The following PANX1 variants were observed in gnomAD, a reference collection of about 807,000 sequenced individuals.
PANX1 encodes pannexin 1.
In PANX1, 30 loss-of-function variants were observed where a neutral mutation model predicts 38.7. The ratio of observed to expected loss-of-function variants is 0.78; its 90% CI spans 0.58 to 1.05. PANX1 has a LOEUF of 1.05. Ranked by LOEUF, PANX1 falls within the 50% of genes least tolerant of loss-of-function variation. PANX1 has a pLI of 0.00. For missense variants in PANX1, 551 were observed against 517.2 expected (o/e 1.07, Z -0.63); for synonymous variants, 230 against 212.2 (o/e 1.08, Z -0.73).
At chr11:94,154,332 G>C (rs1946921928) in intron 2 of PANX1, among the ~76,000 whole-genome samples, 1 of 152,186 alleles carries the variant, frequency 6.6e-6, no homozygotes. Context: ...GAGGAACTTA[G>C]GCAGCAGTTG....
chr11:94,178,178 T>C (rs996738715), intron 2 of PANX1, among the ~76,000 whole-genome samples, 191 bp from the exon 3 acceptor site: 7 of 151,904 alleles, frequency 4.6e-5, no homozygotes, highest in African/African-American at 7.3e-5. Context: ...GAAAAAAAAA[T>C]AGGTAGTTAC....
chr11:94,156,470 C>G (rs966764595), intron 2 of PANX1, among the ~76,000 whole-genome samples: 1 of 152,156 alleles, frequency 6.6e-6, no homozygotes, highest in Admixed American at 6.5e-5. Context: ...CTTATTAACA[C>G]TCCTTGGCAT....
At chr11:94,152,676 C>T (rs188665112) in intron 1 of PANX1, among the ~76,000 whole-genome samples, 1 of 152,334 alleles carries the variant, frequency 6.6e-6, no homozygotes, top group East Asian at 1.9e-4. Context: ...TGGTCAGTTT[C>T]CCTCCATGGC....
chr11:94,137,311 T>C (rs1347379269), intron 1 of PANX1, among the ~76,000 whole-genome samples: 1 of 151,962 alleles, frequency 6.6e-6, no homozygotes, highest in Non-Finnish European at 1.5e-5. Context: ...TCAAAATATA[T>C]AGACAGATAG....
At chr11:94,159,424 T>G (rs1282221440) in intron 2 of PANX1, among the ~76,000 whole-genome samples, 1 of 152,198 alleles carries the variant, frequency 6.6e-6, no homozygotes, top group Non-Finnish European at 1.5e-5. Flanking sequence ...TTGCCTCAAT[T>G]TCAGAGCCTG....
intron 1 of PANX1, among the ~76,000 whole-genome samples, chr11:94,132,783 CTG>C (rs1946645705): frequency 6.6e-6 from 1 of 152,064 alleles, no homozygotes; most frequent in African/African-American, 2.4e-5. Context: ...TTTCTGTCAA[CTG>C]TTGTTTGATA....
chr11:94,148,834 A>T (rs1252436582), intron 1 of PANX1, among the ~76,000 whole-genome samples: 1 of 152,186 alleles, frequency 6.6e-6, no homozygotes, highest in East Asian at 1.9e-4. Flanking sequence ...TTGAGCCTCC[A>T]GAACAACCCC....
intron 1 of PANX1, among the ~76,000 whole-genome samples, chr11:94,132,505 G>A (rs752021722): frequency 2.0e-4 from 31 of 152,262 alleles, no homozygotes; most frequent in African/African-American, 6.5e-4. Flanking sequence ...TAGTGGCACC[G>A]TCACATGGAG....
At chr11:94,136,042 T>A (rs1306743280) in intron 1 of PANX1, among the ~76,000 whole-genome samples, 1 of 152,200 alleles carries the variant, frequency 6.6e-6, no homozygotes, top group Non-Finnish European at 1.5e-5. Context: ...TACTCACACA[T>A]AAAGCTTGTT....
chr11:94,144,215 T>C (rs1245909245), intron 1 of PANX1, among the ~76,000 whole-genome samples: 1 of 148,536 alleles, frequency 6.7e-6, no homozygotes, highest in Non-Finnish European at 1.5e-5. Flanking sequence ...AGTCAATCCC[T>C]CTTCTTCTCC....
At chr11:94,132,449 T>G (rs959930499) in intron 1 of PANX1, among the ~76,000 whole-genome samples, 3 of 152,106 alleles carry the variant, frequency 2.0e-5, no homozygotes, top group Admixed American at 1.3e-4. Context: ...GGAGCAGTGT[T>G]GGCTGAAGCT....
At chr11:94,158,987 T>C (rs1234474822) in intron 2 of PANX1, among the ~76,000 whole-genome samples, 1 of 152,240 alleles carries the variant, frequency 6.6e-6, no homozygotes, top group East Asian at 1.9e-4. Context: ...AAAGGCCTTT[T>C]CTGCATCTGT....
intron 1 of PANX1, among the ~76,000 whole-genome samples, chr11:94,145,326 A>G (rs1015210179): frequency 1.3e-5 from 2 of 152,160 alleles, no homozygotes; most frequent in African/African-American, 2.4e-5. Context: ...GCATGTTTTT[A>G]TCAGGATTCT....
intron 3 of PANX1, 132 bp downstream of exon 3, chr11:94,178,724 C>T (rs1947266427): frequency 1.5e-6 from 1 of 665,132 alleles, no homozygotes; most frequent in East Asian, 2.7e-5. Context: ...ACGTCATGCA[C>T]CTAGTGACAG....
Position 94,128,961 on chromosome 11 carries a change from G to A in PANX1, c.-352G>A, listed in dbSNP as rs915889318. The A allele has an allele frequency of 5.6e-4, 101 of 179,808 alleles. No individual in the cohort carries two copies. The highest frequency in any genetic ancestry group is 2.1e-3 in the African/African-American group (88 of 42,226). 11.1% of individuals were successfully genotyped at this position (179,808 alleles called of 1,614,324 possible). A position where few individuals can be genotyped will look rare whatever the true frequency, so the allele number is the denominator to read the frequency against. Reference sequence around the variant, plus strand: ...CGGAGGGGCAGGGCCAGAGGGAAGCGCTTTGTTCCGCGCGTGGTTCCCGCG... The same window carrying A: ...CGGAGGGGCAGGGCCAGAGGGAAGCACTTTGTTCCGCGCGTGGTTCCCGCG... On this transcript the variant is annotated 5_prime_UTR_variant, in exon 1 of 5. Transcript: ENST00000227638.
At chr11:94,134,996 C>T (rs2134473553) in intron 1 of PANX1, among the ~76,000 whole-genome samples, 1 of 152,324 alleles carries the variant, frequency 6.6e-6, no homozygotes, top group African/African-American at 2.4e-5. Context: ...ACAGGGCCTC[C>T]TGTGCCCTGC....
intron 1 of PANX1, among the ~76,000 whole-genome samples, chr11:94,144,623 G>A (rs546965948): frequency 6.6e-6 from 1 of 152,258 alleles, no homozygotes; most frequent in South Asian, 2.1e-4. Flanking sequence ...TTTCTGGGGA[G>A]ATTGGTGCTG....
intron 1 of PANX1, among the ~76,000 whole-genome samples, chr11:94,149,947 G>A (rs1057346829): frequency 2.0e-5 from 3 of 152,224 alleles, no homozygotes; most frequent in African/African-American, 4.8e-5. Flanking sequence ...AAACCTTGAT[G>A]TAGTACTAGA....
rs772280372 is a variant in PANX1 at position 94,136,186 on chromosome 11, A to G, written c.181+6693A>G. On this transcript the variant is annotated intron_variant, in intron 1 of 4. Coordinates refer to ENST00000227638, the MANE Select transcript of PANX1 (RefSeq NM_015368.4). ...TTGCATTCCTGCGTTCCTATTTGAA[A>G]TAAGTGGAAGAAAAAAAAAAACCAC... 4.9e-4 allele frequency among the ~76,000 whole-genome samples: 74 copies of G among 152,068 alleles called. 1 individual carries two copies. Among genetic ancestry groups the G allele is most frequent in the Non-Finnish European group, 1.5e-4 (10 of 67,998 alleles).
Sources: allele counts gnomAD v4.1 joint callset (sites outside exome capture counted in the v4.1 genomes callset), GRCh38; gene constraint gnomAD v4.1.1; transcripts MANE v1.5; gene names NCBI Gene and HGNC (gene_info 2026-07-23, HGNC 2026-07-21).